GP9: variants seen among roughly 807,000 people sequenced by gnomAD.
GP9 encodes platelet glycoprotein IX.
For missense variants in GP9, 228 were observed against 241.8 expected (o/e 0.94, Z 0.38); for synonymous variants, 116 against 116.7 (o/e 0.99, Z 0.04).
Position 129,061,869 on chromosome 3 carries a change from A to ACGGCCCTGC in GP9, c.132_140dup (p.Leu49_Ala51dup). 1 of 1,612,678 alleles carries ACGGCCCTGC rather than the reference A, an allele frequency of 6.2e-7. No individual in the cohort carries two copies. The highest frequency in any genetic ancestry group is 8.5e-7 in the Non-Finnish European group (1 of 1,179,592). Reference sequence around the variant, plus strand: ...GGTGGACTGCAGGGGCCACGGACTCACGGCCCTGCCTGCCCTGCCGGCCCG... The same window carrying ACGGCCCTGC: ...GGTGGACTGCAGGGGCCACGGACTCACGGCCCTGCCGGCCCTGCCTGCCCTGCCGGCCCG... On this transcript the variant is annotated inframe_insertion, in exon 3 of 3. Coordinates refer to ENST00000307395, the MANE Select transcript of GP9 (RefSeq NM_000174.5).
chr3:129,062,359 A>C lies in GP9; in HGVS notation c.*86A>C. 1 of 922,070 alleles carries C rather than the reference A, an allele frequency of 1.1e-6. No homozygotes were observed. The highest frequency in any genetic ancestry group is 2.8e-5 in the Admixed American group (1 of 35,344). 57.1% of individuals were successfully genotyped at this position (922,070 alleles called of 1,614,324 possible). ...GACTCCACCAAGCCTGGTCAGCCCA[A>C]ACCACCAGAAGCCCAGAATAAACTG... is the stretch of plus-strand genomic sequence containing the variant. On this transcript the variant is annotated 3_prime_UTR_variant, in exon 3 of 3. Transcript: ENST00000307395.
At chr3:129,055,649 T>C in the GP9 span, among the ~76,000 whole-genome samples, 2 of 137,314 alleles carry the variant, frequency 1.5e-5, no homozygotes, top group South Asian at 4.5e-4. Flanking sequence ...TCTTTCTTTC[T>C]TTTTTTTTTT....
chr3:129,058,052 C>T (rs1014010398), upstream of GP9, among the ~76,000 whole-genome samples: 8 of 152,124 alleles, frequency 5.3e-5, no homozygotes, highest in South Asian at 8.3e-4. Context: ...AGGCTGGTCT[C>T]GAAACCCACT....
chr3:129,057,829 TC>T (rs1435495077), upstream of GP9, among the ~76,000 whole-genome samples: 1,076 of 144,790 alleles, frequency 7.4e-3, 35 homozygotes, highest in African/African-American at 0.027. Flanking sequence ...ATAGGTTGCT[TC>T]TTTTTTTTTT....
At chr3:129,061,640 G>A (rs1946575783) in intron 2 of GP9, 21 bp downstream of exon 2, 2 of 1,016,606 alleles carry the variant, frequency 2.0e-6, no homozygotes, top group Non-Finnish European at 1.5e-6. Flanking sequence ...CCCGTCCCAT[G>A]TCAGGCTCCG....
rs200376043 is a variant in GP9 at position 129,061,757 on chromosome 3, C to T, written c.18C>T (p.Ala6=). Residue 6 remains alanine, a synonymous_variant, in exon 3 of 3, where the codon GCC becomes GCT. Transcript: ENST00000307395. Reference sequence around the variant, plus strand: ...CCTGTCCCATGCCTGCCTGGGGAGCCCTGTTCCTGCTCTGGGCCACAGCAG... The same window carrying T: ...CCTGTCCCATGCCTGCCTGGGGAGCTCTGTTCCTGCTCTGGGCCACAGCAG... MPAWG[A]LFLLWATAEA... is the part of the protein sequence containing the mutation. 5.0e-5 allele frequency: 81 copies of T among 1,612,886 alleles called. No individual in the cohort carries two copies. In the East Asian group the frequency reaches 1.5e-3, roughly 30 times the overall value.
Position 129,062,114 on chromosome 3 carries a change from C to T in GP9, c.375C>T (p.Gly125=), listed in dbSNP as rs61732506. Residue 125 remains glycine (G), a synonymous_variant, in exon 3 of 3, where the codon GGC becomes GGT. Coordinates refer to ENST00000307395, the MANE Select transcript of GP9 (RefSeq NM_000174.5). ...SPSLAAHGPL[G]RLTGYQLGSC... ...GCCTCGCTGCCCATGGCCCGCTGGG[C>T]CGGCTGACAGGCTACCAGCTGGGCA... The T allele has an allele frequency of 1.1e-5, 17 of 1,597,614 alleles. No individual in the cohort carries two copies. The African/African-American group carries it at 2.3e-4, about 21-fold the overall frequency.
chr3:129,061,716 C>T lies in GP9; in HGVS notation c.-12-12C>T, dbSNP rs1439609450. 2 of 1,604,000 alleles carry T rather than the reference C, an allele frequency of 1.2e-6. No homozygotes were observed. The highest frequency in any genetic ancestry group is 2.2e-5 in the South Asian group (2 of 89,826). On this transcript the variant is annotated splice_polypyrimidine_tract_variant and intron_variant, in intron 2 of 2. Coordinates refer to ENST00000307395, the MANE Select transcript of GP9 (RefSeq NM_000174.5). ...GCTGCCAGGCCCTCCCTCACAGCCC[C>T]TCTCTCTGCAGCCAGCCTGTCCCAT...
chr3:129,056,616 G>A (rs1416788716), upstream of GP9, among the ~76,000 whole-genome samples: 1 of 152,166 alleles, frequency 6.6e-6, no homozygotes, highest in African/African-American at 2.4e-5. Flanking sequence ...CACAAGATCT[G>A]CGAACACTTC....
Position 129,061,649 on chromosome 3 carries a change from C to T in GP9, c.-13+30C>T, listed in dbSNP as rs115854818. On this transcript the variant is annotated intron_variant, in intron 2 of 2. Coordinates refer to ENST00000307395, the MANE Select transcript of GP9 (RefSeq NM_000174.5). ...GTGCACCCCGTCCCATGTCAGGCTC[C>T]GCTACATCCCCAGTGCTTGCCGTCC... The T allele has an allele frequency of 4.1e-4, 452 of 1,104,704 alleles. 2 individuals carry two copies. In the African/African-American group the frequency reaches 5.8e-3, roughly 14 times the overall value. 68.4% of individuals were successfully genotyped at this position (1,104,704 alleles called of 1,614,324 possible).
intron 2 of GP9, 54 bp downstream of exon 2, chr3:129,061,673 C>A: frequency 7.3e-7 from 1 of 1,367,782 alleles, no homozygotes; most frequent in Non-Finnish European, 1.0e-6. Flanking sequence ...TGCTTGCCGT[C>A]CCTGAGGATC....
At chr3:129,056,206 T>G (rs1200838404), upstream of GP9, among the ~76,000 whole-genome samples, 1 of 152,154 alleles carries the variant, frequency 6.6e-6, no homozygotes, top group African/African-American at 2.4e-5. Context: ...GGCAGGCTGC[T>G]CCACAGGCTG....
At position 129,061,715 on chromosome 3, in the gene GP9, CCT is replaced by C; in HGVS notation, c.-12-6_-12-5del. On this transcript the variant is annotated splice_polypyrimidine_tract_variant and intron_variant, in intron 2 of 2. Transcript: ENST00000307395. The stretch of plus-strand genomic sequence containing the variant: ...GGCTGCCAGGCCCTCCCTCACAGCC[CCT>C]CTCTCTGCAGCCAGCCTGTCCCATG... The C allele has an allele frequency of 2.5e-6, 4 of 1,602,794 alleles. No homozygotes were observed. Among genetic ancestry groups the C allele is most frequent in the Non-Finnish European group, 3.4e-6 (4 of 1,174,220 alleles).
upstream of GP9, among the ~76,000 whole-genome samples, chr3:129,058,120 G>A (rs913885791): frequency 6.6e-6 from 1 of 152,194 alleles, no homozygotes; most frequent in Non-Finnish European, 1.5e-5. Flanking sequence ...GGGATTGCAG[G>A]CGTGAGCCAC....
At chr3:129,056,670 T>A (rs1946524823), upstream of GP9, among the ~76,000 whole-genome samples, 1 of 152,208 alleles carries the variant, frequency 6.6e-6, no homozygotes, top group Non-Finnish European at 1.5e-5. Context: ...TGGGCCCATT[T>A]GCAAACAGAT....
Position 129,062,234 on chromosome 3 carries a change from G to C in GP9, c.495G>C (p.Leu165=), listed in dbSNP as rs1162672920. 3 of 1,560,800 alleles carry C rather than the reference G, an allele frequency of 1.9e-6. No homozygotes were observed. The highest frequency in any genetic ancestry group is 2.6e-6 in the Non-Finnish European group (3 of 1,155,292). ...VAVAALGLAL[L]AGLLCATTEA... ...TGGCCGCGCTGGGCCTGGCTCTTCT[G>C]GCTGGCCTGCTGTGTGCCACCACAG... is the stretch of plus-strand genomic sequence containing the variant. Residue 165 remains leucine (L), a synonymous_variant, in exon 3 of 3, where the codon CTG becomes CTC. Coordinates refer to ENST00000307395, the MANE Select transcript of GP9 (RefSeq NM_000174.5).
chr3:129,059,741 A>G (rs1946555228), upstream of GP9, among the ~76,000 whole-genome samples: 1 of 152,220 alleles, frequency 6.6e-6, no homozygotes, highest in African/African-American at 2.4e-5. Flanking sequence ...GCGGCCTCCC[A>G]AGGAAGGACT....
In GP9 at chr3:129,061,499, C is replaced by T; in HGVS notation, c.-133C>T. The stretch of plus-strand genomic sequence containing the variant: ...CAAACTTACCCAATCCACAGCCGCC[C>T]TCACCGCCCGGCCTTCTACGGTGTC... On this transcript the variant is annotated 5_prime_UTR_variant, in exon 2 of 3. Coordinates refer to ENST00000307395, the MANE Select transcript of GP9 (RefSeq NM_000174.5). The T allele has an allele frequency of 1.7e-6, 1 of 598,570 alleles. No homozygotes were observed. The highest frequency in any genetic ancestry group is 3.0e-6 in the Non-Finnish European group (1 of 335,174). The allele number at this position is 598,570 out of a possible 1,614,324, so 37.1% of individuals were successfully genotyped here.
chr3:129,056,705 C>T (rs1408523760), upstream of GP9, among the ~76,000 whole-genome samples: 6 of 152,108 alleles, frequency 3.9e-5, no homozygotes, highest in African/African-American at 1.2e-4. Flanking sequence ...GTGAGTGCGT[C>T]GAGGAGGGCT....
Sources: allele counts gnomAD v4.1 joint callset (sites outside exome capture counted in the v4.1 genomes callset), GRCh38; gene constraint gnomAD v4.1.1; transcripts MANE v1.5; gene names NCBI Gene and HGNC (gene_info 2026-07-23, HGNC 2026-07-21).